Variants in TCTA observed in about 807,000 individuals in gnomAD.
TCTA encodes the protein T cell leukemia translocation altered.
A neutral mutation model predicts 13.5 loss-of-function variants in TCTA; 13 were observed. The ratio of observed to expected loss-of-function variants is 0.96; its 90% CI spans 0.63 to 1.53. The LOEUF (loss-of-function observed/expected upper bound fraction) is 1.53. Ranked by LOEUF, TCTA falls within the 40% of genes most tolerant of loss-of-function variation. TCTA has a pLI of 0.00. For synonymous variants in TCTA, 58 were observed against 59.0 expected, an observed-to-expected ratio of 0.98 and a Z score of 0.08; for missense variants, 138 against 131.3, an observed-to-expected ratio of 1.05 and a Z score of -0.25.
At position 49,413,105 on chromosome 3, in the gene TCTA, T is replaced by A. The variant is rs778731930; in HGVS notation, c.264T>A (p.Pro88=). 3 of 1,614,174 alleles carry A rather than the reference T, an allele frequency of 1.9e-6. No individual in the cohort carries two copies. The Admixed American group carries it at 5.0e-5, about 27-fold the overall frequency. ...GSTPDGSTHF[P]SWEMAANEPL... is the part of the protein sequence containing the mutation. ...CGCCTGATGGCTCCACGCATTTCCC[T>A]TCGTGGTGAGTAAATCTGTCCATAC... is the stretch of plus-strand genomic sequence containing the variant. The change falls in exon 2 of 3, where the codon CCT becomes CCA. Residue 88 remains proline, a synonymous_variant. Transcript: ENST00000273590.
chr3:49,412,949 C>T, intron 1 of TCTA, 107 bp from the exon 2 acceptor site: 1 of 1,178,542 alleles, frequency 8.5e-7, no homozygotes, highest in Non-Finnish European at 1.2e-6. Flanking sequence ...AGGACCCTCA[C>T]CAGACTTCAC....
chr3:49,412,470 C>T lies in TCTA; in HGVS notation c.44C>T (p.Ala15Val). The T allele has an allele frequency of 6.2e-7, 1 of 1,613,442 alleles. No individual in the cohort carries two copies. Among genetic ancestry groups the T allele is most frequent in the East Asian group, 2.2e-5 (1 of 44,876 alleles). Reference protein sequence around the residue: ...WSGQALQALPATVLGALGSEF... With the variant: ...WSGQALQALPVTVLGALGSEF... ...GGGCAGGCCTTGCAGGCTCTGCCGG[C>T]CACGGTGCTGGGCGCGCTGGGCAGC... Residue 15 changes from alanine (A) to valine (V), a missense_variant, in exon 1 of 3, where the codon GCC becomes GTC. Transcript: ENST00000273590.
intron 2 of TCTA, 96 bp downstream of exon 2, chr3:49,413,206 A>G (rs2048971878): frequency 3.5e-6 from 5 of 1,413,846 alleles, no homozygotes; most frequent in Non-Finnish European, 5.0e-6. Flanking sequence ...CTTTAAGCCC[A>G]CCAGCTTAAT....
At chr3:49,414,370 C>T (rs748190487) in intron 2 of TCTA, among the ~76,000 whole-genome samples, 1 of 151,442 alleles carries the variant, frequency 6.6e-6, no homozygotes, top group African/African-American at 2.4e-5. Flanking sequence ...CCCGTCTTCA[C>T]TAAAAATACA....
chr3:49,414,927 T>C lies in TCTA; in HGVS notation c.*65T>C. 4 of 1,602,570 alleles carry C rather than the reference T, an allele frequency of 2.5e-6. No individual in the cohort carries two copies. Among genetic ancestry groups the C allele is most frequent in the Non-Finnish European group, 3.4e-6 (4 of 1,170,344 alleles). On this transcript the variant is annotated 3_prime_UTR_variant, in exon 3 of 3. Coordinates refer to ENST00000273590, the MANE Select transcript of TCTA (RefSeq NM_022171.3). ...TGCTGGCTTCTACACTGGGTTCTGC[T>C]ACTCCCCAGACCTCAGGGACAACTG...
rs115911627 is a variant in TCTA at position 49,412,426 on chromosome 3, C to T, written c.-1C>T. 1 of 1,607,806 alleles carries T rather than the reference C, an allele frequency of 6.2e-7. No homozygotes were observed. The highest frequency in any genetic ancestry group is 2.2e-5 in the East Asian group (1 of 44,858). On this transcript the variant is annotated 5_prime_UTR_variant, in exon 1 of 3. Transcript: ENST00000273590. Reference sequence around the variant, plus strand: ...TACCCCGGGTGGGGCGAGGGCCAGTCATGGCGGAGTCCTGGTCTGGGCAGG... The same window carrying T: ...TACCCCGGGTGGGGCGAGGGCCAGTTATGGCGGAGTCCTGGTCTGGGCAGG...
rs1024674305 is a variant in TCTA, at chr3:49,416,444, C to A, written c.*1582C>A. The A allele has an allele frequency of 5.5e-5, 16 of 292,352 alleles. No individual in the cohort carries two copies. The highest frequency in any genetic ancestry group is 1.4e-5 in the Non-Finnish European group (2 of 147,840). The allele number at this position is 292,352 out of a possible 1,614,324, so 18.1% of individuals were successfully genotyped here. A position where few individuals can be genotyped will look rare whatever the true frequency, so the allele number is the denominator to read the frequency against. ...ATCTCACATTTCACCCCAGGCTCAA[C>A]TGAGGATGTGGCTTATTAAACACGG... On this transcript the variant is annotated 3_prime_UTR_variant, in exon 3 of 3. Coordinates refer to ENST00000273590, the MANE Select transcript of TCTA (RefSeq NM_022171.3).
intron 1 of TCTA, 41 bp from the exon 2 acceptor site, chr3:49,413,015 A>C (rs1475489951): frequency 6.2e-7 from 1 of 1,609,974 alleles, no homozygotes; most frequent in Non-Finnish European, 8.5e-7. Context: ...TCAGATTCCC[A>C]CCCCAGCCTT....
At position 49,415,112 on chromosome 3, in the gene TCTA, C is replaced by A; in HGVS notation, c.*250C>A. The A allele has an allele frequency of 1.1e-5, 5 of 474,942 alleles. No homozygotes were observed. Among genetic ancestry groups the A allele is most frequent in the Non-Finnish European group, 1.5e-5 (4 of 263,712 alleles). 29.4% of individuals were successfully genotyped at this position (474,942 alleles called of 1,614,324 possible). ...AGGAGAGAGATTGTGTTCTTCCTCT[C>A]TCAGGGGTGATAACTCAGGAAGCCT... is the stretch of plus-strand genomic sequence containing the variant. On this transcript the variant is annotated 3_prime_UTR_variant, in exon 3 of 3. Coordinates refer to ENST00000273590, the MANE Select transcript of TCTA (RefSeq NM_022171.3).
chr3:49,413,022 C>T, intron 1 of TCTA, 34 bp from the exon 2 acceptor site: 2 of 1,611,812 alleles, frequency 1.2e-6, no homozygotes, highest in Non-Finnish European at 1.7e-6. Context: ...CCCACCCCAG[C>T]CTTCTGCAGC....
intron 1 of TCTA, 149 bp downstream of exon 1, chr3:49,412,789 G>C: frequency 1.0e-6 from 1 of 986,756 alleles, no homozygotes; most frequent in Non-Finnish European, 1.5e-6. Context: ...ATCTGACCTC[G>C]GAAGCTAAGC....
chr3:49,413,898 A>G (rs2048979333), intron 2 of TCTA, among the ~76,000 whole-genome samples: 1 of 152,218 alleles, frequency 6.6e-6, no homozygotes, highest in African/African-American at 2.4e-5. Context: ...AAAGGGGTCC[A>G]AGAGTTAGGG....
intron 2 of TCTA, chr3:49,413,536 C>A (rs1263478712): frequency 1.3e-5 from 2 of 158,284 alleles, no homozygotes; most frequent in East Asian, 3.8e-4. Context: ...AGGGGCCACA[C>A]GAGGCCCAGA....
intron 1 of TCTA, 49 bp from the exon 2 acceptor site, chr3:49,413,007 A>G: frequency 6.2e-7 from 1 of 1,602,964 alleles, no homozygotes; most frequent in Non-Finnish European, 8.5e-7. Flanking sequence ...ATGCCTGCTC[A>G]GATTCCCACC....
At chr3:49,413,131 C>T (rs779672000) in intron 2 of TCTA, 21 bp downstream of exon 2, 4 of 1,613,934 alleles carry the variant, frequency 2.5e-6, no homozygotes, top group East Asian at 4.5e-5. Context: ...CTGTCCATAC[C>T]GCAACCCCAT....
chr3:49,414,406 C>T (rs568616233), intron 2 of TCTA, among the ~76,000 whole-genome samples: 77 of 152,070 alleles, frequency 5.1e-4, no homozygotes, highest in Non-Finnish European at 9.6e-4. Flanking sequence ...TGGTGGCGGG[C>T]GCCTGTAATC....
intron 2 of TCTA, 47 bp downstream of exon 2, chr3:49,413,157 G>C (rs771081093): frequency 6.8e-6 from 11 of 1,607,168 alleles, no homozygotes; most frequent in African/African-American, 1.3e-5. Context: ...GCATTCCAAG[G>C]ACACTCCTGT....
rs1379333400 is a variant in TCTA at position 49,415,072 on chromosome 3, T to C, written c.*210T>C. Reference sequence around the variant, plus strand: ...CAAGTGAAGAGTTTGCCTGTACTCTTATCTGGGTGCCTTAAGGAGAGAGAT... The same window carrying C: ...CAAGTGAAGAGTTTGCCTGTACTCTCATCTGGGTGCCTTAAGGAGAGAGAT... On this transcript the variant is annotated 3_prime_UTR_variant, in exon 3 of 3. Transcript: ENST00000273590. 3 of 573,668 alleles carry C rather than the reference T, an allele frequency of 5.2e-6. No homozygotes were observed. Among genetic ancestry groups the C allele is most frequent in the South Asian group, 2.1e-5 (1 of 47,118 alleles). 35.5% of individuals were successfully genotyped at this position (573,668 alleles called of 1,614,324 possible).
In TCTA at chr3:49,413,130, C is replaced by T; in HGVS notation, c.269+20C>T. 1 of 1,614,070 alleles carries T rather than the reference C, an allele frequency of 6.2e-7. No homozygotes were observed. The highest frequency in any genetic ancestry group is 8.5e-7 in the Non-Finnish European group (1 of 1,179,910). On this transcript the variant is annotated intron_variant, in intron 2 of 2. Transcript: ENST00000273590. Reference sequence around the variant, plus strand: ...TTCGTGGTGAGTAAATCTGTCCATACCGCAACCCCATGCTTGGCATTCCAA... The same window carrying T: ...TTCGTGGTGAGTAAATCTGTCCATATCGCAACCCCATGCTTGGCATTCCAA...
Sources: allele counts gnomAD v4.1 joint callset (sites outside exome capture counted in the v4.1 genomes callset), GRCh38; gene constraint gnomAD v4.1.1; transcripts MANE v1.5; gene names NCBI Gene and HGNC (gene_info 2026-07-23, HGNC 2026-07-21).